Variants in PRR11 observed in about 807,000 individuals in gnomAD.
PRR11 encodes proline-rich protein 11.
PRR11 carries 30 observed loss-of-function variants against 45.6 expected under a neutral mutation model. The observed-to-expected ratio is 0.66, with a 90% CI of 0.49 to 0.89. PRR11 has a LOEUF of 0.89. Among genes scored for constraint, PRR11 ranks in the 40% least tolerant of loss-of-function variants. The pLI is 0.00. For synonymous variants in PRR11, 128 were observed against 153.5 expected (o/e 0.83, Z 1.23); for missense variants, 373 against 424.8 (o/e 0.88, Z 1.07).
intron 4 of PRR11, among the ~76,000 whole-genome samples, chr17:59,185,966 C>T (rs1472060858): frequency 6.6e-6 from 1 of 152,060 alleles, no homozygotes; most frequent in Non-Finnish European, 1.5e-5. Context: ...ACTTATGAGA[C>T]AAAGAATGGG....
At chr17:59,189,309 T>G (rs149162719) in intron 4 of PRR11, among the ~76,000 whole-genome samples, 1 of 150,760 alleles carries the variant, frequency 6.6e-6, no homozygotes, top group Non-Finnish European at 1.5e-5. Flanking sequence ...AAAAATATTA[T>G]TTGAGACAAA....
intron 4 of PRR11, among the ~76,000 whole-genome samples, chr17:59,191,601 A>G (rs1283975927): frequency 6.6e-6 from 1 of 152,112 alleles, no homozygotes. Flanking sequence ...AGCCTCAGGA[A>G]GTTAATGCCT....
chr17:59,206,329 G>A lies in PRR11; in HGVS notation c.*4698G>A, dbSNP rs188204792. Among the ~76,000 whole-genome samples the A allele has an allele frequency of 3.6e-3, 555 of 152,086 alleles. 1 individual carries two copies. The highest frequency in any genetic ancestry group is 6.9e-3 in the Non-Finnish European group (466 of 68,000). On this transcript the variant is annotated 3_prime_UTR_variant, in exon 10 of 10. Coordinates refer to ENST00000262293, the MANE Select transcript of PRR11 (RefSeq NM_018304.4). ...TGCAGTGAGCTGTGTTTATACCACT[G>A]CACTCCAGCCTGCTGGGTAACAGAG...
intron 2 of PRR11, among the ~76,000 whole-genome samples, chr17:59,182,408 T>TC (rs1354868133): frequency 8.7e-4 from 130 of 149,416 alleles, no homozygotes; most frequent in African/African-American, 3.1e-3. Flanking sequence ...TTTTTTTTTT[T>TC]TGAGACAGTG....
intron 1 of PRR11, among the ~76,000 whole-genome samples, chr17:59,157,747 G>T (rs1481000952): frequency 6.6e-6 from 1 of 152,064 alleles, no homozygotes; most frequent in Non-Finnish European, 1.5e-5. Flanking sequence ...GACTATGTTG[G>T]TGTTGTTCAG....
At chr17:59,192,345 A>T (rs1384094807) in intron 4 of PRR11, among the ~76,000 whole-genome samples, 2 of 152,208 alleles carry the variant, frequency 1.3e-5, no homozygotes, top group Non-Finnish European at 2.9e-5. Context: ...CGCCTCAAGC[A>T]CTGTGCGAAA....
chr17:59,191,280 G>A (rs1342884868), intron 4 of PRR11, among the ~76,000 whole-genome samples: 4 of 146,882 alleles, frequency 2.7e-5, no homozygotes, highest in African/African-American at 7.6e-5. Context: ...GTGCAGTGGC[G>A]CAATCTCAGC....
intron 2 of PRR11, among the ~76,000 whole-genome samples, chr17:59,182,795 C>A (rs1454930003): frequency 2.0e-5 from 3 of 152,136 alleles, no homozygotes; most frequent in Admixed American, 1.3e-4. Context: ...GGAGGGGGTA[C>A]CCTGAGGTGC....
At chr17:59,179,856 G>A (rs1314264780) in intron 2 of PRR11, 2 of 1,340,822 alleles carry the variant, frequency 1.5e-6, no homozygotes, top group African/African-American at 2.9e-5. Context: ...GACCCACACA[G>A]GGGGCTGGGA....
chr17:59,173,985 C>T (rs1285417600), intron 2 of PRR11, among the ~76,000 whole-genome samples: 1 of 152,144 alleles, frequency 6.6e-6, no homozygotes, highest in Non-Finnish European at 1.5e-5. Context: ...TATTCACGTC[C>T]CACATCAAGT....
At chr17:59,173,785 G>A (rs566813767) in intron 2 of PRR11, among the ~76,000 whole-genome samples, 4 of 152,286 alleles carry the variant, frequency 2.6e-5, no homozygotes, top group South Asian at 2.1e-4. Context: ...ACTCTATTCA[G>A]CTCCGTCTAG....
intron 4 of PRR11, among the ~76,000 whole-genome samples, chr17:59,190,315 C>CA (rs1253635977): frequency 6.6e-6 from 1 of 151,722 alleles, no homozygotes; most frequent in Non-Finnish European, 1.5e-5. Context: ...ACTAAAAATA[C>CA]AAAAAAATTA....
intron 1 of PRR11, among the ~76,000 whole-genome samples, chr17:59,158,379 G>T (rs1034493570): frequency 6.6e-6 from 1 of 152,196 alleles, no homozygotes; most frequent in Admixed American, 6.5e-5. Flanking sequence ...ATCCGAATAT[G>T]GGCTGTTTAT....
At chr17:59,193,177 C>G (rs1409678732) in intron 4 of PRR11, among the ~76,000 whole-genome samples, 2 of 152,160 alleles carry the variant, frequency 1.3e-5, no homozygotes, top group Non-Finnish European at 2.9e-5. Flanking sequence ...TTCCAAAGTG[C>G]TGGGATTACA....
rs141855548 is a variant in PRR11 at position 59,186,577 on chromosome 17, A to G, written c.402+1015A>G. On this transcript the variant is annotated intron_variant, in intron 4 of 9. Coordinates refer to ENST00000262293, the MANE Select transcript of PRR11 (RefSeq NM_018304.4). ...CCCGGCAAATTTTTTAGTTTTTTAT[A>G]GGGATGGGGGTCTCACTTTGTTGCC... Among the ~76,000 whole-genome samples the G allele has an allele frequency of 1.3e-4, 20 of 149,516 alleles. 1 individual carries two copies. Among genetic ancestry groups the G allele is most frequent in the Admixed American group, 1.2e-3 (18 of 14,902 alleles).
rs2046895785 is a variant in PRR11, at chr17:59,202,159, G to A, written c.*528G>A. 6.5e-6 allele frequency: 1 copy of A among 153,786 alleles called. No individual in the cohort carries two copies. Among genetic ancestry groups the A allele is most frequent in the Non-Finnish European group, 1.4e-5 (1 of 69,050 alleles). 9.5% of individuals were successfully genotyped at this position (153,786 alleles called of 1,614,324 possible). ...CATGATGATTAAGAGAACCAGATGG[G>A]AAAATACAATCTCCAAAGTGATGTT... On this transcript the variant is annotated 3_prime_UTR_variant, in exon 10 of 10. Transcript: ENST00000262293.
intron 2 of PRR11, among the ~76,000 whole-genome samples, chr17:59,182,961 C>T (rs1344265363): frequency 6.6e-6 from 1 of 152,134 alleles, no homozygotes; most frequent in African/African-American, 2.4e-5. Context: ...TATCAATTCT[C>T]GAGGCTGAGA....
chr17:59,175,682 CA>C (rs2046740834), intron 2 of PRR11, among the ~76,000 whole-genome samples: 1 of 152,132 alleles, frequency 6.6e-6, no homozygotes, highest in African/African-American at 2.4e-5. Flanking sequence ...GAGGAGGTTG[CA>C]GTGAGCCGAG....
At chr17:59,157,088 G>C (rs981976493) in intron 1 of PRR11, among the ~76,000 whole-genome samples, 2 of 152,164 alleles carry the variant, frequency 1.3e-5, no homozygotes, top group African/African-American at 2.4e-5. Flanking sequence ...ATGATATGAA[G>C]AAGTAAAAAC....
Sources: allele counts gnomAD v4.1 joint callset (sites outside exome capture counted in the v4.1 genomes callset), GRCh38; gene constraint gnomAD v4.1.1; transcripts MANE v1.5; gene names NCBI Gene and HGNC (gene_info 2026-07-23, HGNC 2026-07-21).